The following NEU3 variants were observed in gnomAD, a reference collection of about 807,000 sequenced individuals.
The protein encoded by NEU3 is sialidase-3.
In NEU3, 10 loss-of-function variants were observed where a neutral mutation model predicts 11.4. That is an observed-to-expected ratio of 0.88 (90% CI 0.54 to 1.49). The LOEUF (loss-of-function observed/expected upper bound fraction) is 1.49, where lower values mean the gene tolerates loss of function less well. Among genes scored for constraint, NEU3 ranks in the 40% most tolerant of loss-of-function variants. The probability of loss-of-function intolerance (pLI) is 0.00; values close to 1 mark genes in which losing one functional copy is unlikely to be tolerated. For synonymous variants in NEU3, 212 were observed against 228.2 expected, an observed-to-expected ratio of 0.93 and a Z score of 0.64; for missense variants, 529 against 581.8, an observed-to-expected ratio of 0.91 and a Z score of 0.93.
Position 75,006,479 on chromosome 11 carries a change from T to C in NEU3, c.1373T>C (p.Phe458Ser), listed in dbSNP as rs751042212. 4.2e-5 allele frequency: 67 copies of C among 1,609,172 alleles called. 1 individual carries two copies. The Middle Eastern group carries it at 6.6e-4, about 16-fold the overall frequency. The change falls in exon 3 of 3, where the codon TTC (phenylalanine) becomes TCC (serine). Residue 458 changes from phenylalanine (F) to serine (S), a missense_variant. Coordinates refer to ENST00000294064, the MANE Select transcript of NEU3 (RefSeq NM_006656.6). ...CTSPGRNPSQ[F>S]KSN ...AGCCCTGGTAGGAACCCAAGCCAAT[T>C]CAAAAGCAATTAATTGGCTTAGGAC... is the stretch of plus-strand genomic sequence containing the variant.
chr11:74,988,996 T>A lies in NEU3; in HGVS notation c.-65T>A. The A allele has an allele frequency of 7.9e-7, 1 of 1,258,818 alleles. No homozygotes were observed. Among genetic ancestry groups the A allele is most frequent in the Non-Finnish European group, 1.1e-6 (1 of 890,538 alleles). 78.0% of individuals were successfully genotyped at this position (1,258,818 alleles called of 1,614,324 possible). A position where few individuals can be genotyped will look rare whatever the true frequency, so the allele number is the denominator to read the frequency against. On this transcript the variant is annotated 5_prime_UTR_variant, in exon 1 of 3. Transcript: ENST00000294064. ...GTCCTCCGTCTCAGTTGTTTCTCCC[T>A]CTCTATCCTCCTCTGTCTCAGTCTC...
intron 2 of NEU3, among the ~76,000 whole-genome samples, chr11:75,001,285 CT>C (rs775188864): frequency 6.5e-4 from 85 of 130,040 alleles, no homozygotes; most frequent in Non-Finnish European, 9.7e-4. Context: ...TTTTTTTTTT[CT>C]TTTTTTTTTT....
intron 1 of NEU3, 73 bp downstream of exon 1, chr11:74,989,227 C>G (rs1415063766): frequency 2.3e-6 from 3 of 1,278,848 alleles, no homozygotes; most frequent in Admixed American, 2.1e-5. Context: ...GCAAGACCAT[C>G]TGCGTTTGGG....
At position 75,010,366 on chromosome 11, in the gene NEU3, G is replaced by C. The variant is rs1376321523; in HGVS notation, c.*3874G>C. 2.0e-5 allele frequency: 3 copies of C among 152,236 alleles called. No homozygotes were observed. Among genetic ancestry groups the C allele is most frequent in the Non-Finnish European group, 4.4e-5 (3 of 68,058 alleles). 9.4% of individuals were successfully genotyped at this position (152,236 alleles called of 1,614,324 possible). On this transcript the variant is annotated 3_prime_UTR_variant, in exon 3 of 3. Transcript: ENST00000294064. Reference sequence around the variant, plus strand: ...CTGAAACAGAGTAGCTAGCAGTAAAGATACACTGAATGAATGAATGAGTCA... The same window carrying C: ...CTGAAACAGAGTAGCTAGCAGTAAACATACACTGAATGAATGAATGAGTCA...
Position 75,007,427 on chromosome 11 carries a change from G to A in NEU3, c.*935G>A, listed in dbSNP as rs1428602829. 1 of 152,204 alleles carries A rather than the reference G, an allele frequency of 6.6e-6. No homozygotes were observed. The highest frequency in any genetic ancestry group is 6.5e-5 in the Admixed American group (1 of 15,272). 9.4% of individuals were successfully genotyped at this position (152,204 alleles called of 1,614,324 possible). A position where few individuals can be genotyped will look rare whatever the true frequency, so the allele number is the denominator to read the frequency against. On this transcript the variant is annotated 3_prime_UTR_variant, in exon 3 of 3. Transcript: ENST00000294064. Reference sequence around the variant, plus strand: ...TGGTGGGAGACTTTGTAGATGTTGGGCTATATGTTGGGGTGATGGTAGCTC... The same window carrying A: ...TGGTGGGAGACTTTGTAGATGTTGGACTATATGTTGGGGTGATGGTAGCTC...
rs1352750731 is a variant in NEU3, at chr11:74,989,006, C to T, written c.-55C>T. ...TCAGTTGTTTCTCCCTCTCTATCCT[C>T]CTCTGTCTCAGTCTCCCCAGCCTTG... On this transcript the variant is annotated 5_prime_UTR_variant, in exon 1 of 3. Transcript: ENST00000294064. 4 of 1,338,234 alleles carry T rather than the reference C, an allele frequency of 3.0e-6. No homozygotes were observed. The East Asian group carries it at 1.0e-4, about 34-fold the overall frequency. 82.9% of individuals were successfully genotyped at this position (1,338,234 alleles called of 1,614,324 possible). A position where few individuals can be genotyped will look rare whatever the true frequency, so the allele number is the denominator to read the frequency against.
chr11:74,995,584 A>G (rs191209635), intron 2 of NEU3, among the ~76,000 whole-genome samples: 2 of 152,340 alleles, frequency 1.3e-5, no homozygotes, highest in East Asian at 3.9e-4. Flanking sequence ...CCCAGTGCAT[A>G]TAAAAGTTAT....
chr11:74,990,035 G>T, intron 1 of NEU3: 1 of 702,186 alleles, frequency 1.4e-6, no homozygotes, highest in Non-Finnish European at 2.6e-6. Context: ...TCATCAACAC[G>T]ATCAGCATAA....
rs201642187 is a variant in NEU3, at chr11:75,000,623, A to AT, written c.307-4776dup. ...TGTATATACCATATTTTGTTTATAC[A>AT]TTTTTTTTTTTTTTGAGGCAGGGTC... On this transcript the variant is annotated intron_variant, in intron 2 of 2. Coordinates refer to ENST00000294064, the MANE Select transcript of NEU3 (RefSeq NM_006656.6). Among the ~76,000 whole-genome samples the AT allele has an allele frequency of 3.6e-3, 510 of 142,790 alleles. 4 individuals are homozygous for AT. The highest frequency in any genetic ancestry group is 0.025 in the East Asian group (126 of 4,968). The allele number at this position is 142,790 out of a possible 152,430, so 93.7% of individuals were successfully genotyped here. A position where few individuals can be genotyped will look rare whatever the true frequency, so the allele number is the denominator to read the frequency against.
rs560285635 is a variant in NEU3, at chr11:74,995,313, C to G, written c.306+593C>G. On this transcript the variant is annotated intron_variant, in intron 2 of 2. Transcript: ENST00000294064. The stretch of plus-strand genomic sequence containing the variant: ...ATTATCCCCATTTTGCAGGAGGCAA[C>G]CAGGCCTGAGAATTAAGGTCATTTG... 8.5e-5 allele frequency among the ~76,000 whole-genome samples: 13 copies of G among 152,254 alleles called. No individual in the cohort carries two copies. The East Asian group carries it at 2.5e-3, about 29-fold the overall frequency.
upstream of NEU3, among the ~76,000 whole-genome samples, chr11:74,985,741 A>G (rs1948662765): frequency 6.6e-6 from 1 of 152,168 alleles, no homozygotes; most frequent in South Asian, 2.1e-4. Context: ...CCCATGAGGG[A>G]TTGCAAAGAG....
the NEU3 span, among the ~76,000 whole-genome samples, chr11:74,981,891 T>C: frequency 6.6e-6 from 1 of 152,272 alleles, no homozygotes; most frequent in African/African-American, 2.4e-5. Context: ...AGAAAAGTCC[T>C]ACCTGAAGAA....
Position 75,009,213 on chromosome 11 carries a change from A to T in NEU3, c.*2721A>T, listed in dbSNP as rs1948931235. On this transcript the variant is annotated 3_prime_UTR_variant, in exon 3 of 3. Transcript: ENST00000294064. ...CTTAGGAAGAGAAAGTGTCACAGACACGAGGCCTAGGCTAGAGAGATGGTG... is the reference window on the plus strand; with the variant it reads ...CTTAGGAAGAGAAAGTGTCACAGACTCGAGGCCTAGGCTAGAGAGATGGTG... The T allele has an allele frequency of 6.6e-6, 1 of 152,328 alleles. No individual in the cohort carries two copies. The highest frequency in any genetic ancestry group is 2.4e-5 in the African/African-American group (1 of 41,456). 9.4% of individuals were successfully genotyped at this position (152,328 alleles called of 1,614,324 possible).
At chr11:74,988,030 A>G (rs1252869213), upstream of NEU3, 1 of 149,788 alleles carries the variant, frequency 6.7e-6, no homozygotes, top group Non-Finnish European at 1.5e-5. Context: ...CTCATCTTGT[A>G]TGTTCCCTGC....
In NEU3 at chr11:74,994,510, G is replaced by C; in HGVS notation, c.96G>C (p.Glu32Asp). The C allele has an allele frequency of 6.2e-7, 1 of 1,605,568 alleles. No individual in the cohort carries two copies. Among genetic ancestry groups the C allele is most frequent in the Non-Finnish European group, 8.5e-7 (1 of 1,174,934 alleles). The change falls in exon 2 of 3, where the codon GAG becomes GAC. Residue 32 changes from glutamate to aspartate, a missense_variant and splice_region_variant. Coordinates refer to ENST00000294064, the MANE Select transcript of NEU3 (RefSeq NM_006656.6). ...TTAAGCTTCCTTCTATCCTTGCAGA[G>C]GTCATGGAAGAAGTGACAACATGCT... ...TETEEPGSSAEVMEEVTTCSF... is the reference protein window; with the variant it reads ...TETEEPGSSADVMEEVTTCSF...
rs1236534519 is a variant in NEU3 at position 75,007,329 on chromosome 11, A to C, written c.*837A>C. 6.6e-6 allele frequency: 1 copy of C among 152,246 alleles called. No homozygotes were observed. The highest frequency in any genetic ancestry group is 1.5e-5 in the Non-Finnish European group (1 of 68,052). The allele number at this position is 152,246 out of a possible 1,614,324, so 9.4% of individuals were successfully genotyped here. On this transcript the variant is annotated 3_prime_UTR_variant, in exon 3 of 3. Coordinates refer to ENST00000294064, the MANE Select transcript of NEU3 (RefSeq NM_006656.6). ...TAAAACACTGGACAGAATTTCCCAC[A>C]GTCTTTGCCCTCAAGGAGTTCACCA... is the stretch of plus-strand genomic sequence containing the variant.
intron 2 of NEU3, among the ~76,000 whole-genome samples, chr11:75,002,751 C>T (rs1366686365): frequency 1.3e-5 from 2 of 152,178 alleles, no homozygotes; most frequent in African/African-American, 4.8e-5. Flanking sequence ...ATGGCCCCAC[C>T]CTCCTTCCCA....
chr11:75,005,906 G>A lies in NEU3; in HGVS notation c.800G>A (p.Arg267Lys), dbSNP rs1591761470. 7 of 1,613,488 alleles carry A rather than the reference G, an allele frequency of 4.3e-6. No individual in the cohort carries two copies. In the Admixed American group the frequency reaches 8.3e-5, roughly 19 times the overall value. Residue 267 changes from arginine to lysine, a missense_variant, in exon 3 of 3, where the codon AGG becomes AAG. Physicochemically the swap from Arg to Lys is conservative, Grantham distance 26. Coordinates refer to ENST00000294064, the MANE Select transcript of NEU3 (RefSeq NM_006656.6). ...VECEVAEVTG[R>K]AGHPVLYCSA... The stretch of plus-strand genomic sequence containing the variant: ...TGTGAAGTGGCAGAGGTGACTGGGA[G>A]GGCTGGCCACCCTGTGCTATATTGC...
chr11:75,003,989 A>G (rs1948872676), intron 2 of NEU3, among the ~76,000 whole-genome samples: 1 of 152,184 alleles, frequency 6.6e-6, no homozygotes, highest in African/African-American at 2.4e-5. Flanking sequence ...GTATTGACGA[A>G]TATTTGAGTT....
Sources: gnomAD v4.1 joint callset for allele counts (sites outside exome capture counted in the v4.1 genomes callset) on GRCh38, gnomAD v4.1.1 for gene constraint, MANE v1.5 for transcripts, NCBI Gene and HGNC (gene_info 2026-07-23, HGNC 2026-07-21) for gene names.